CSTPP1: variants seen among roughly 807,000 people sequenced by gnomAD.
The protein encoded by CSTPP1 is centriolar satellite-associated tubulin polyglutamylase complex regulator 1, also known as UPF0705 protein C11orf49.
the CSTPP1 span, among the ~76,000 whole-genome samples, chr11:46,941,366 G>T: frequency 2.0e-5 from 3 of 151,850 alleles, no homozygotes; most frequent in Non-Finnish European, 4.4e-5. Context: ...TTGAGACGGA[G>T]TCTCGCTCTG....
At chr11:47,155,329 G>A in the CSTPP1 span, 103 of 1,358,338 alleles carry the variant, frequency 7.6e-5, no homozygotes, top group South Asian at 5.2e-4. Context: ...CTGCTGCCCT[G>A]CCCATCTGTG....
the CSTPP1 span, among the ~76,000 whole-genome samples, chr11:46,983,424 G>A: frequency 1.3e-5 from 2 of 152,204 alleles, no homozygotes; most frequent in East Asian, 3.9e-4. Flanking sequence ...TTGGGCATTA[G>A]TGTGAATTTT....
chr11:46,992,759 G>A, the CSTPP1 span, among the ~76,000 whole-genome samples: 1 of 152,132 alleles, frequency 6.6e-6, no homozygotes, highest in Non-Finnish European at 1.5e-5. Flanking sequence ...ACCCAGTAAT[G>A]GGATGGCTGG....
chr11:47,020,796 T>C, the CSTPP1 span, among the ~76,000 whole-genome samples: 1 of 152,186 alleles, frequency 6.6e-6, no homozygotes, highest in Admixed American at 6.5e-5. Context: ...AGAAGCATAA[T>C]TCACTAATAG....
the CSTPP1 span, chr11:47,137,946 G>A: frequency 1.7e-6 from 1 of 600,846 alleles, no homozygotes; most frequent in Non-Finnish European, 2.9e-6. Context: ...GAGCCTCAGG[G>A]TCTGAAGATA....
At chr11:47,087,925 A>G in the CSTPP1 span, among the ~76,000 whole-genome samples, 1 of 152,164 alleles carries the variant, frequency 6.6e-6, no homozygotes, top group African/African-American at 2.4e-5. Flanking sequence ...AGTCATCTAA[A>G]GGCTTGAATG....
chr11:47,057,723 G>A, the CSTPP1 span, among the ~76,000 whole-genome samples: 1 of 152,150 alleles, frequency 6.6e-6, no homozygotes, highest in African/African-American at 2.4e-5. Context: ...GTTGTTCAGT[G>A]AGCTCCAGAA....
chr11:47,009,586 C>T, the CSTPP1 span, among the ~76,000 whole-genome samples: 1 of 152,090 alleles, frequency 6.6e-6, no homozygotes, highest in African/African-American at 2.4e-5. Flanking sequence ...CAGCTGGGGT[C>T]AGGAGCTCGA....
At chr11:46,998,493 A>G in the CSTPP1 span, among the ~76,000 whole-genome samples, 2 of 152,252 alleles carry the variant, frequency 1.3e-5, no homozygotes, top group Admixed American at 6.5e-5. Flanking sequence ...CCATAAGTCT[A>G]TGACACCAGA....
the CSTPP1 span, among the ~76,000 whole-genome samples, chr11:47,018,642 C>T: frequency 1.3e-5 from 2 of 152,138 alleles, no homozygotes; most frequent in Non-Finnish European, 2.9e-5. Context: ...AGTGGCTGTA[C>T]CAGTTAGTAT....
chr11:47,038,465 C>A, the CSTPP1 span, among the ~76,000 whole-genome samples: 4 of 107,672 alleles, frequency 3.7e-5, no homozygotes, highest in African/African-American at 8.2e-5. Context: ...CTGACCCCCC[C>A]ACCTCCCTCC....
At chr11:46,968,354 ATATATATAATATATAAT>A in the CSTPP1 span, among the ~76,000 whole-genome samples, 1 of 146,722 alleles carries the variant, frequency 6.8e-6, no homozygotes, top group South Asian at 2.1e-4. Context: ...TATTTAATTA[ATATATATAATATATAAT>A]TATATATAAT....
At chr11:47,161,486 G>A in the CSTPP1 span, 3 of 1,614,022 alleles carry the variant, frequency 1.9e-6, no homozygotes, top group Non-Finnish European at 2.5e-6. Flanking sequence ...CCCAGGCCTG[G>A]TCAACTCGGT....
chr11:47,068,805 G>A, the CSTPP1 span, among the ~76,000 whole-genome samples: 1 of 152,082 alleles, frequency 6.6e-6, no homozygotes, highest in Non-Finnish European at 1.5e-5. Context: ...TAAAAGGAGA[G>A]CTTGACAACA....
At chr11:47,148,992 G>A in the CSTPP1 span, among the ~76,000 whole-genome samples, 54 of 152,320 alleles carry the variant, frequency 3.5e-4, no homozygotes, top group East Asian at 5.4e-3. Flanking sequence ...GGTTCAGGCT[G>A]GAAGCTGTTG....
chr11:46,992,482 T>G, the CSTPP1 span, among the ~76,000 whole-genome samples: 366 of 148,462 alleles, frequency 2.5e-3, 1 homozygote, highest in African/African-American at 8.2e-3. Flanking sequence ...AGTGAGAACA[T>G]GCGGTGTTTG....
the CSTPP1 span, among the ~76,000 whole-genome samples, chr11:47,120,632 T>C: frequency 2.6e-5 from 4 of 152,228 alleles, no homozygotes; most frequent in Non-Finnish European, 5.9e-5. This position sits in a 1 kb window ranked among gnomAD's most constrained non-coding sequence, Gnocchi z 4.2. Context: ...TGTAAAAGCA[T>C]GCGCTTTGGA....
At chr11:46,980,750 A>G in the CSTPP1 span, among the ~76,000 whole-genome samples, 90 of 152,338 alleles carry the variant, frequency 5.9e-4, no homozygotes, top group African/African-American at 2.1e-3. Context: ...AGAATTATCT[A>G]CAAGTCAAGA....
the CSTPP1 span, among the ~76,000 whole-genome samples, chr11:47,123,762 A>G: frequency 2.2e-4 from 34 of 152,224 alleles, no homozygotes; most frequent in African/African-American, 8.2e-4. Flanking sequence ...ACACTTTGAG[A>G]GGCCGAGGTG....
Sources: allele counts gnomAD v4.1 joint callset (sites outside exome capture counted in the v4.1 genomes callset), GRCh38; gene constraint gnomAD v4.1.1; non-coding constraint Gnocchi (gnomAD v3.1); transcripts MANE v1.5; gene names NCBI Gene and HGNC (gene_info 2026-07-23, HGNC 2026-07-21).